Variants in ZNF398 observed in about 807,000 individuals in gnomAD.
ZNF398 encodes zinc finger DNA binding protein ZER6.
In ZNF398, 18 loss-of-function variants were observed where a neutral mutation model predicts 41.9. That is an observed-to-expected ratio of 0.43 (90% confidence interval 0.30 to 0.64). The LOEUF is 0.64. Among genes scored for constraint, ZNF398 ranks in the 30% least tolerant of loss-of-function variants. The pLI, the probability that ZNF398 is intolerant of heterozygous loss-of-function variation, is 0.14. For synonymous variants in ZNF398, 260 were observed against 308.8 expected, an observed-to-expected ratio of 0.84 and a Z score of 1.66; for missense variants, 669 against 822.8, an observed-to-expected ratio of 0.81 and a Z score of 2.29.
At chr7:149,158,884 G>A (rs1350776823) in intron 2 of ZNF398, among the ~76,000 whole-genome samples, 1 of 151,732 alleles carries the variant, frequency 6.6e-6, no homozygotes, top group African/African-American at 2.4e-5. Context: ...AATAGTAAAG[G>A]TAAGTTAAAA....
At chr7:149,165,342 C>A (rs1795204994) in intron 2 of ZNF398, among the ~76,000 whole-genome samples, 1 of 152,146 alleles carries the variant, frequency 6.6e-6, no homozygotes, top group Admixed American at 6.5e-5. Flanking sequence ...AGAAGAAAAG[C>A]ATATGCTTCA....
chr7:149,182,557 G>A lies in ZNF398; in HGVS notation c.*2756G>A, dbSNP rs1795615514. The A allele has an allele frequency of 6.6e-6, 1 of 152,210 alleles. No homozygotes were observed. Among genetic ancestry groups the A allele is most frequent in the African/African-American group, 2.4e-5 (1 of 41,450 alleles). The allele number at this position is 152,210 out of a possible 1,614,324, so 9.4% of individuals were successfully genotyped here. A position where few individuals can be genotyped will look rare whatever the true frequency, so the allele number is the denominator to read the frequency against. The stretch of plus-strand genomic sequence containing the variant: ...TTAAAGAAATACATGAGAACTGCTT[G>A]TCATGACCAGACAAGATAGGAAAGG... On this transcript the variant is annotated 3_prime_UTR_variant, in exon 6 of 6. Transcript: ENST00000475153.
At chr7:149,155,093 C>A (rs1585519390) in intron 2 of ZNF398, among the ~76,000 whole-genome samples, 1 of 151,770 alleles carries the variant, frequency 6.6e-6, no homozygotes, top group Non-Finnish European at 1.5e-5. Context: ...TCAAGACCAG[C>A]CTGGCCAACA....
intron 4 of ZNF398, among the ~76,000 whole-genome samples, chr7:149,171,256 T>G (rs1002756082): frequency 6.6e-6 from 1 of 151,924 alleles, no homozygotes; most frequent in African/African-American, 2.4e-5. Flanking sequence ...ACTTTTATTA[T>G]TTTATAACTT....
At chr7:149,148,354 G>A (rs1454938716) in intron 1 of ZNF398, 2 of 842,580 alleles carry the variant, frequency 2.4e-6, no homozygotes, top group South Asian at 5.4e-5. Flanking sequence ...CAAGGCCTGC[G>A]GGGGCCGGCA....
At chr7:149,136,857 C>T (rs1202431) in intron 2 of ZNF398, among the ~76,000 whole-genome samples, 25,674 of 150,276 alleles carry the variant, frequency 0.17, 2,451 homozygotes, top group African/African-American at 0.24. Context: ...CGTGAGCCAC[C>T]GCGCTGGGCC....
chr7:149,178,145 A>T (rs1795502468), intron 5 of ZNF398, among the ~76,000 whole-genome samples: 1 of 152,090 alleles, frequency 6.6e-6, no homozygotes, highest in South Asian at 2.1e-4. Flanking sequence ...CAAAAAAATT[A>T]GTTGGGCGTA....
intron 1 of ZNF398, among the ~76,000 whole-genome samples, chr7:149,149,682 AT>A (rs567290340): frequency 9.1e-4 from 137 of 150,308 alleles, no homozygotes; most frequent in African/African-American, 2.9e-3. Context: ...TACAAAAAAA[AT>A]TTTTTTTTTT....
intron 2 of ZNF398, among the ~76,000 whole-genome samples, chr7:149,138,085 C>T (rs1401335537): frequency 6.6e-6 from 1 of 151,480 alleles, no homozygotes; most frequent in African/African-American, 2.4e-5. Context: ...CCTGTGATCC[C>T]AGCTACTCGG....
At chr7:149,137,970 C>A (rs187348181) in intron 2 of ZNF398, among the ~76,000 whole-genome samples, 1 of 150,136 alleles carries the variant, frequency 6.7e-6, no homozygotes, top group Non-Finnish European at 1.5e-5. Context: ...AAGGCCGAGG[C>A]GGGCGGATCA....
rs369947344 is a variant in ZNF398, at chr7:149,154,275, C to T, written c.355C>T (p.Leu119=). 1.2e-6 allele frequency: 2 copies of T among 1,614,144 alleles called. No homozygotes were observed. The highest frequency in any genetic ancestry group is 1.7e-5 in the Admixed American group (1 of 60,016). ...LQRRLENLEN[L]LRNRNFWILR... ...GAGGCGGCTGGAGAACTTGGAGAAC[C>T]TGCTGCGCAACAGGAACTTCTGGAT... Residue 119 remains leucine, a synonymous_variant, in exon 2 of 6, where the codon CTG becomes TTG. Transcript: ENST00000475153.
upstream of ZNF398, among the ~76,000 whole-genome samples, chr7:149,143,773 T>C (rs114140333): frequency 7.6e-4 from 115 of 152,222 alleles, no homozygotes; most frequent in African/African-American, 2.5e-3. Flanking sequence ...GATTGCGCCA[T>C]TCCACTCTAG....
chr7:149,155,720 T>TA (rs1243710848), intron 2 of ZNF398, among the ~76,000 whole-genome samples: 3,955 of 87,550 alleles, frequency 0.045, 66 homozygotes, highest in Middle Eastern at 0.055. Context: ...TTTTTTTTTT[T>TA]TTTTTTTTTA....
At chr7:149,176,417 C>T in intron 4 of ZNF398, 51 bp from the exon 5 acceptor site, 1 of 1,189,616 alleles carries the variant, frequency 8.4e-7, no homozygotes, top group East Asian at 2.3e-5. Flanking sequence ...GATTATCTTA[C>T]CTTCTTATTC....
chr7:149,130,208 A>G (rs948824231), intron 2 of ZNF398, among the ~76,000 whole-genome samples: 1 of 151,906 alleles, frequency 6.6e-6, no homozygotes, highest in African/African-American at 2.4e-5. Context: ...CGACTCCCCC[A>G]CCTCAGCCTC....
At chr7:149,162,070 C>T (rs1795115708) in intron 2 of ZNF398, among the ~76,000 whole-genome samples, 1 of 152,140 alleles carries the variant, frequency 6.6e-6, no homozygotes, top group Admixed American at 6.6e-5. Flanking sequence ...TTGCTCTCGC[C>T]TGGGCTGGAG....
intron 2 of ZNF398, among the ~76,000 whole-genome samples, chr7:149,129,449 G>A (rs1302655061): frequency 3.9e-5 from 6 of 151,956 alleles, no homozygotes; most frequent in African/African-American, 9.7e-5. Context: ...GCTCGATCTT[G>A]GCTCACTGCA....
At chr7:149,137,069 G>C (rs961752209) in intron 2 of ZNF398, among the ~76,000 whole-genome samples, 2 of 151,964 alleles carry the variant, frequency 1.3e-5, no homozygotes, top group African/African-American at 4.8e-5. Flanking sequence ...GTTTCACCAT[G>C]TTAGCCAAGC....
At position 149,179,351 on chromosome 7, in the gene ZNF398, C is replaced by T. The variant is rs777125224; in HGVS notation, c.1479C>T (p.Asn493=). ...FSCPQCGIDF[N]GHSALIRHQM... ...GCCCTCAGTGTGGCATTGACTTCAACGGCCACTCGGCCCTGATCCGCCACC... is the reference window on the plus strand; with the variant it reads ...GCCCTCAGTGTGGCATTGACTTCAATGGCCACTCGGCCCTGATCCGCCACC... Residue 493 remains asparagine (N), a synonymous_variant, in exon 6 of 6, where the codon AAC becomes AAT. Transcript: ENST00000475153. This position sits in a 1 kb window ranked among gnomAD's most constrained non-coding sequence, Gnocchi z 6.1. The T allele has an allele frequency of 8.1e-6, 13 of 1,613,428 alleles. No individual in the cohort carries two copies. The highest frequency in any genetic ancestry group is 1.1e-5 in the South Asian group (1 of 91,088).
Sources: allele counts gnomAD v4.1 joint callset (sites outside exome capture counted in the v4.1 genomes callset), GRCh38; gene constraint gnomAD v4.1.1; non-coding constraint Gnocchi (gnomAD v3.1); transcripts MANE v1.5; gene names NCBI Gene and HGNC (gene_info 2026-07-23, HGNC 2026-07-21).